DYNLT5: variants seen among roughly 807,000 people sequenced by gnomAD.
DYNLT5 encodes the protein dynein light chain Tctex-type 5.
DYNLT5 carries 25 observed loss-of-function variants against 19.3 expected under a neutral mutation model. The ratio of observed to expected loss-of-function variants is 1.30; its 90% CI spans 0.95 to 1.81. The LOEUF is 1.81. DYNLT5 is among the 40% of genes most tolerant of loss of function. The pLI is 0.00. For missense variants in DYNLT5, 232 were observed against 217.9 expected (o/e 1.06, Z -0.41); for synonymous variants, 82 against 68.9 (o/e 1.19, Z -0.94).
chr1:66,776,278 G>A lies in DYNLT5; in HGVS notation c.212-1G>A. On this transcript the variant is annotated splice_acceptor_variant, in intron 3 of 4. Coordinates refer to ENST00000282670, the MANE Select transcript of DYNLT5 (RefSeq NM_152665.3). LOFTEE classifies it high-confidence loss of function. The stretch of plus-strand genomic sequence containing the variant: ...GAAATAAATTTTATGTGTATTTTCA[G>A]GTCCTCCCAAACATTTTCCTGTGGT... 6.2e-7 allele frequency: 1 copy of A among 1,611,548 alleles called. No individual in the cohort carries two copies. The highest frequency in any genetic ancestry group is 1.7e-4 in the Middle Eastern group (1 of 6,038).
chr1:66,754,595 A>G, intron 1 of DYNLT5, 61 bp from the exon 2 acceptor site: 1 of 1,531,168 alleles, frequency 6.5e-7, no homozygotes, highest in Non-Finnish European at 8.8e-7. Flanking sequence ...AGTCCCTGTT[A>G]TACTAACTAA....
chr1:66,776,971 A>G (rs1244255067), intron 4 of DYNLT5, among the ~76,000 whole-genome samples: 2 of 152,198 alleles, frequency 1.3e-5, no homozygotes, highest in East Asian at 3.8e-4. Context: ...ATAAATTTTC[A>G]AAGAATGTAA....
chr1:66,764,305 A>C (rs933897463), intron 2 of DYNLT5, among the ~76,000 whole-genome samples: 21 of 152,218 alleles, frequency 1.4e-4, no homozygotes, highest in Admixed American at 1.0e-3. Context: ...TGCCTTCCTC[A>C]CCACACTTGG....
intron 2 of DYNLT5, among the ~76,000 whole-genome samples, chr1:66,767,107 C>T (rs1185212383): frequency 6.6e-6 from 1 of 151,748 alleles, no homozygotes; most frequent in African/African-American, 2.4e-5. Flanking sequence ...ACCTATATAA[C>T]AAACCTTCAC....
Position 66,752,595 on chromosome 1 carries a change from C to A in DYNLT5, c.-4+11C>A. 1.0e-6 allele frequency: 1 copy of A among 985,486 alleles called. No homozygotes were observed. Among genetic ancestry groups the A allele is most frequent in the Non-Finnish European group, 1.2e-6 (1 of 829,936 alleles). The allele number at this position is 985,486 out of a possible 1,614,324, so 61.0% of individuals were successfully genotyped here. Reference sequence around the variant, plus strand: ...GCCTCCCTGCTGCAGGTAGGGTCGCCTCTCTCTGCAGCGCGTCTGGACCCC... The same window carrying A: ...GCCTCCCTGCTGCAGGTAGGGTCGCATCTCTCTGCAGCGCGTCTGGACCCC... On this transcript the variant is annotated intron_variant, in intron 1 of 4. Transcript: ENST00000282670.
chr1:66,755,046 G>A (rs1485604284), intron 2 of DYNLT5, among the ~76,000 whole-genome samples: 2 of 152,130 alleles, frequency 1.3e-5, no homozygotes, highest in Non-Finnish European at 2.9e-5. Context: ...ATGTAAACCA[G>A]ACACGCTTAT....
At chr1:66,773,128 A>C (rs1009146348) in intron 3 of DYNLT5, among the ~76,000 whole-genome samples, 1 of 152,188 alleles carries the variant, frequency 6.6e-6, no homozygotes, top group Non-Finnish European at 1.5e-5. Context: ...TTGTAACTTC[A>C]TATTAATTAT....
intron 1 of DYNLT5, among the ~76,000 whole-genome samples, chr1:66,754,217 G>A (rs533270040): frequency 6.6e-6 from 1 of 152,292 alleles, no homozygotes; most frequent in Admixed American, 6.5e-5. Flanking sequence ...TCCAACCTGG[G>A]TGACAGAACA....
At chr1:66,764,314 G>C (rs977084977) in intron 2 of DYNLT5, among the ~76,000 whole-genome samples, 1 of 152,144 alleles carries the variant, frequency 6.6e-6, no homozygotes, top group Non-Finnish European at 1.5e-5. Context: ...CACCACACTT[G>C]GTTATTTCTA....
chr1:66,773,061 A>G (rs1645212758), intron 3 of DYNLT5, among the ~76,000 whole-genome samples: 1 of 152,194 alleles, frequency 6.6e-6, no homozygotes, highest in Admixed American at 6.5e-5. Flanking sequence ...CCTGAAAGTG[A>G]CTGACTCAAG....
chr1:66,752,622 A>G (rs999512565), intron 1 of DYNLT5, 38 bp downstream of exon 1: 2 of 982,396 alleles, frequency 2.0e-6, no homozygotes, highest in South Asian at 4.7e-5. Context: ...CTGGACCCCA[A>G]AGGAAGGATA....
chr1:66,764,106 T>G (rs889649061), intron 2 of DYNLT5, among the ~76,000 whole-genome samples: 3 of 152,144 alleles, frequency 2.0e-5, no homozygotes, highest in Non-Finnish European at 4.4e-5. Flanking sequence ...GAGGATCACC[T>G]GAGCCTGGGA....
In DYNLT5 at chr1:66,752,906, A is replaced by C. The variant is rs1046943279; in HGVS notation, c.-4+322A>C. ...CACCCATGAGGACCTCCAGGTCCCA[A>C]CTCTGGCCTTTCTTGGGGAGGGGGC... On this transcript the variant is annotated intron_variant, in intron 1 of 4. Coordinates refer to ENST00000282670, the MANE Select transcript of DYNLT5 (RefSeq NM_152665.3). Among the ~76,000 whole-genome samples, 3 of 151,978 alleles carry C rather than the reference A, an allele frequency of 2.0e-5. No individual in the cohort carries two copies. In the East Asian group the frequency reaches 5.8e-4, roughly 30 times the overall value.
intron 2 of DYNLT5, among the ~76,000 whole-genome samples, chr1:66,759,268 G>A (rs1213380946): frequency 2.0e-5 from 3 of 152,128 alleles, no homozygotes; most frequent in Admixed American, 6.6e-5. Context: ...CTTTGCATAG[G>A]TAAACTCCAG....
At chr1:66,765,146 A>T (rs2094652507) in intron 2 of DYNLT5, among the ~76,000 whole-genome samples, 1 of 152,116 alleles carries the variant, frequency 6.6e-6, no homozygotes, top group African/African-American at 2.4e-5. Flanking sequence ...TACCCTGAAG[A>T]CCTTGTTTTT....
chr1:66,776,212 A>T (rs1446346111), intron 3 of DYNLT5, 67 bp from the exon 4 acceptor site: 1 of 1,544,960 alleles, frequency 6.5e-7, no homozygotes, highest in Non-Finnish European at 8.7e-7. Flanking sequence ...TCTTTTGATT[A>T]GCCTATGGGG....
At chr1:66,758,002 T>A (rs1407403037) in intron 2 of DYNLT5, among the ~76,000 whole-genome samples, 1 of 152,182 alleles carries the variant, frequency 6.6e-6, no homozygotes, top group African/African-American at 2.4e-5. Context: ...TTTACAGAAA[T>A]GTTTGCCAAC....
At chr1:66,758,582 C>T (rs2094640539) in intron 2 of DYNLT5, among the ~76,000 whole-genome samples, 2 of 152,216 alleles carry the variant, frequency 1.3e-5, no homozygotes, top group South Asian at 4.1e-4. Flanking sequence ...AGTTAGGCCA[C>T]ACTATATGTA....
At chr1:66,766,605 C>G (rs2094655740) in intron 2 of DYNLT5, among the ~76,000 whole-genome samples, 3 of 152,166 alleles carry the variant, frequency 2.0e-5, no homozygotes, top group Admixed American at 1.3e-4. Context: ...TTGCCCATAC[C>G]TGCAAGCATT....
Sources: allele counts gnomAD v4.1 joint callset (sites outside exome capture counted in the v4.1 genomes callset), GRCh38; gene constraint gnomAD v4.1.1; transcripts MANE v1.5; gene names NCBI Gene and HGNC (gene_info 2026-07-23, HGNC 2026-07-21).